COL7A1: variants seen among roughly 807,000 people sequenced by gnomAD.
COL7A1 encodes collagen alpha-1(VII) chain.
COL7A1 carries 296 observed loss-of-function variants against 456.2 expected under a neutral mutation model. That is an observed-to-expected ratio of 0.65 (90% CI 0.59 to 0.71). The LOEUF is 0.71. Ranked by LOEUF, COL7A1 falls within the 30% of genes least tolerant of loss-of-function variation. The pLI is 0.00. For synonymous variants in COL7A1, 1,464 were observed against 1,525.9 expected (o/e 0.96, Z 0.95); for missense variants, 3,441 against 4,017.2 (o/e 0.86, Z 3.88).
chr3:48,578,838 T>C lies in COL7A1; in HGVS notation c.5424+81A>G. ...CTGAACCGACCCCCCACCAACTCTC[T>C]CGGATGCTGTGACTATGATGATCTG... On this transcript the variant is annotated intron_variant, in intron 63 of 118. Coordinates refer to ENST00000681320, the MANE Select transcript of COL7A1 (RefSeq NM_000094.4). The surrounding 1 kb of genome is among the most constrained non-coding windows in gnomAD (Gnocchi z 4.7). The C allele has an allele frequency of 6.9e-7, 1 of 1,455,216 alleles. No homozygotes were observed. The allele number at this position is 1,455,216 out of a possible 1,614,324, so 90.1% of individuals were successfully genotyped here.
rs1481011823 is a variant in COL7A1, at chr3:48,576,243, G to T, written c.5820+6C>A. 2 of 1,613,612 alleles carry T rather than the reference G, an allele frequency of 1.2e-6. No homozygotes were observed. The highest frequency in any genetic ancestry group is 1.7e-6 in the Non-Finnish European group (2 of 1,180,000). ...GAGTCAAGGGGACATCCCAAGCCTG[G>T]CTCACCGGCACACTTCCAGGCTCTC... On this transcript the variant is annotated splice_donor_region_variant and intron_variant, in intron 71 of 118. Transcript: ENST00000681320.
rs2043649361 is a variant in COL7A1 at position 48,567,248 on chromosome 3, C to T, written c.8047-58G>A. On this transcript the variant is annotated intron_variant, in intron 109 of 118. Coordinates refer to ENST00000681320, the MANE Select transcript of COL7A1 (RefSeq NM_000094.4). The surrounding 1 kb of genome is among the most constrained non-coding windows in gnomAD (Gnocchi z 4.3). Reference sequence around the variant, plus strand: ...CCCTGACCTCCCTCAGCTCTGGAACCTCCCTGAACTCCCATGAGCTCCCTG... The same window carrying T: ...CCCTGACCTCCCTCAGCTCTGGAACTTCCCTGAACTCCCATGAGCTCCCTG... The T allele has an allele frequency of 1.3e-6, 2 of 1,594,656 alleles. No homozygotes were observed. The highest frequency in any genetic ancestry group is 1.3e-5 in the African/African-American group (1 of 74,518).
chr3:48,575,673 G>A lies in COL7A1; in HGVS notation c.5932C>T (p.Arg1978Ter), dbSNP rs1368134215. 2.5e-6 allele frequency: 4 copies of A among 1,613,586 alleles called. No homozygotes were observed. Among genetic ancestry groups the A allele is most frequent in the Non-Finnish European group, 3.4e-6 (4 of 1,180,018 alleles). ...GSFLPVPERR[R>*]GPKGDSGEQG... Reference sequence around the variant, plus strand: ...TCGCCTGAGTCCCCCTTGGGGCCTCGACGCCGTTCGGGCACAGGCAGGAAG... The same window carrying A: ...TCGCCTGAGTCCCCCTTGGGGCCTCAACGCCGTTCGGGCACAGGCAGGAAG... The change falls in exon 73 of 119, where the codon CGA becomes TGA. Residue 1978 changes from arginine (R) to a stop codon, truncating the protein, a stop_gained. Coordinates refer to ENST00000681320, the MANE Select transcript of COL7A1 (RefSeq NM_000094.4). LOFTEE classifies it high-confidence loss of function. This position sits in a 1 kb window ranked among gnomAD's most constrained non-coding sequence, Gnocchi z 6.3.
At position 48,584,311 on chromosome 3, in the gene COL7A1, C is replaced by A; in HGVS notation, c.4184G>T (p.Gly1395Val). The A allele has an allele frequency of 1.2e-6, 2 of 1,610,492 alleles. No homozygotes were observed. The highest frequency in any genetic ancestry group is 8.5e-7 in the Non-Finnish European group (1 of 1,178,394). The change falls in exon 37 of 119, where the codon GGA (glycine) becomes GTA (valine). Residue 1395 changes from glycine to valine, a missense_variant. Physicochemically the swap from Gly to Val is moderately radical, Grantham distance 109 (BLOSUM62 -3). This residue lies in a region of COL7A1 where 2,084 missense variants were observed against 2,501.3 expected (regional missense o/e 0.83). Transcript: ENST00000681320. The part of the protein sequence containing the change: ...PGPRGPPGLP[G>V]TAMKGDKGDR... ...TGAGGCTGTCACCTTCATGGCTGTT[C>A]CAGGAAGCCCTGGGGGGCCACGGGG...
rs764022247 is a variant in COL7A1, at chr3:48,595,176, C to T, written c.-1-16G>A. 1 of 1,548,544 alleles carries T rather than the reference C, an allele frequency of 6.5e-7. No individual in the cohort carries two copies. The highest frequency in any genetic ancestry group is 2.0e-5 in the Admixed American group (1 of 51,096). On this transcript the variant is annotated splice_polypyrimidine_tract_variant and intron_variant, in intron 1 of 118. Transcript: ENST00000681320. Reference sequence around the variant, plus strand: ...CAGCGTCATCCTAGGCAGTAAAAGCCGTCAGCTAGGACCCCCGCCTCTGTC... The same window carrying T: ...CAGCGTCATCCTAGGCAGTAAAAGCTGTCAGCTAGGACCCCCGCCTCTGTC...
chr3:48,579,198 T>C lies in COL7A1; in HGVS notation c.5387A>G (p.Asn1796Ser), dbSNP rs973076467. ...KPGAAGPSGP[N>S]GAAGKAGDPG... is the part of the protein sequence containing the mutation. ...CCAGGCAGGACTACCAAGACTCACATTCGGCCCAGAGGGCCCAGCGGCTCC... is the reference window on the plus strand; with the variant it reads ...CCAGGCAGGACTACCAAGACTCACACTCGGCCCAGAGGGCCCAGCGGCTCC... Residue 1796 changes from asparagine to serine, a missense_variant and splice_region_variant, in exon 62 of 119, where the codon AAT becomes AGT. Asn to Ser is a conservative substitution (Grantham distance 46). This residue lies in a region of COL7A1 where 2,084 missense variants were observed against 2,501.3 expected (regional missense o/e 0.83). Coordinates refer to ENST00000681320, the MANE Select transcript of COL7A1 (RefSeq NM_000094.4). The surrounding 1 kb of genome is among the most constrained non-coding windows in gnomAD (Gnocchi z 4.4). 10 of 1,613,304 alleles carry C rather than the reference T, an allele frequency of 6.2e-6. No homozygotes were observed. Among genetic ancestry groups the C allele is most frequent in the Admixed American group, 5.0e-5 (3 of 60,028 alleles).
Position 48,575,248 on chromosome 3 carries a change from A to C in COL7A1, c.6181-6T>G. The C allele has an allele frequency of 6.2e-7, 1 of 1,613,934 alleles. No homozygotes were observed. The highest frequency in any genetic ancestry group is 8.5e-7 in the Non-Finnish European group (1 of 1,179,970). ...CCTTTCTCTCCCCGTTCTCCCTGAA[A>C]TGCAAATAGCGGGTGAGGGCCAAGC... On this transcript the variant is annotated splice_polypyrimidine_tract_variant and splice_region_variant and intron_variant, in intron 74 of 118. Transcript: ENST00000681320. The surrounding 1 kb of genome is among the most constrained non-coding windows in gnomAD (Gnocchi z 6.3).
In COL7A1 at chr3:48,575,646, G is replaced by T; in HGVS notation, c.5959C>A (p.Gln1987Lys). ...RRGPKGDSGE[Q>K]GPPGKEGPIG... ...CTCACCTCCTTGCCTGGGGGGCCCT[G>T]TTCGCCTGAGTCCCCCTTGGGGCCT... is the stretch of plus-strand genomic sequence containing the variant. The change falls in exon 73 of 119, where the codon CAG (glutamine) becomes AAG (lysine). Residue 1987 changes from glutamine to lysine, a missense_variant. Physicochemically the swap from Gln to Lys is moderately conservative, Grantham distance 53. Around this residue, in one of 3 missense-constraint regions of COL7A1, gnomAD observed 2,084 missense variants for 2,501.3 expected, o/e 0.83. Coordinates refer to ENST00000681320, the MANE Select transcript of COL7A1 (RefSeq NM_000094.4). This position sits in a 1 kb window ranked among gnomAD's most constrained non-coding sequence, Gnocchi z 6.3. 1 of 1,613,452 alleles carries T rather than the reference G, an allele frequency of 6.2e-7. No individual in the cohort carries two copies. The highest frequency in any genetic ancestry group is 8.5e-7 in the Non-Finnish European group (1 of 1,180,018).
Position 48,571,689 on chromosome 3 carries a change from C to A in COL7A1, c.7068+312G>T. 3.1e-6 allele frequency: 2 copies of A among 646,758 alleles called. No individual in the cohort carries two copies. Among genetic ancestry groups the A allele is most frequent in the South Asian group, 1.6e-5 (1 of 61,648 alleles). The allele number at this position is 646,758 out of a possible 1,614,324, so 40.1% of individuals were successfully genotyped here. On this transcript the variant is annotated intron_variant, in intron 92 of 118. Coordinates refer to ENST00000681320, the MANE Select transcript of COL7A1 (RefSeq NM_000094.4). The surrounding 1 kb of genome is among the most constrained non-coding windows in gnomAD (Gnocchi z 4.6). ...GGAAAGGAGGATTGTAAACACAGGA[C>A]CAAGGAGAGGTTCACAAGAACTCAG...
Position 48,564,831 on chromosome 3 carries a change from C to T in COL7A1, c.8770G>A (p.Ala2924Thr). Residue 2924 changes from alanine (A) to threonine (T), a missense_variant, in exon 118 of 119, where the codon GCC (alanine) becomes ACC (threonine). Ala to Thr is a moderately conservative substitution (Grantham distance 58). This residue lies in a region of COL7A1 where 2,084 missense variants were observed against 2,501.3 expected (regional missense o/e 0.83). Transcript: ENST00000681320. This position sits in a 1 kb window ranked among gnomAD's most constrained non-coding sequence, Gnocchi z 6.0. Reference protein sequence around the residue: ...GNANRFGTREACERRCPPRVV... With the variant: ...GNANRFGTRETCERRCPPRVV... ...CGGGGTGGGCAGCGGCGCTCGCAGG[C>T]CTCACGGGTCCCAAAACGGTTGGCA... 5.0e-6 allele frequency: 8 copies of T among 1,614,070 alleles called. No individual in the cohort carries two copies. The highest frequency in any genetic ancestry group is 2.2e-5 in the South Asian group (2 of 91,086).
rs141063524 is a variant in COL7A1, at chr3:48,573,467, A to G, written c.6618+46T>C. 19 of 1,613,772 alleles carry G rather than the reference A, an allele frequency of 1.2e-5. No homozygotes were observed. The highest frequency in any genetic ancestry group is 1.5e-5 in the Non-Finnish European group (18 of 1,179,886). ...GGCGCACACTACCCCAGGCATGGAC[A>G]CAGCTTGAAGGAGCCTCCTCCTCCT... On this transcript the variant is annotated intron_variant, in intron 83 of 118. Transcript: ENST00000681320. The surrounding 1 kb of genome is among the most constrained non-coding windows in gnomAD (Gnocchi z 5.5).
rs1389015173 is a variant in COL7A1, at chr3:48,594,547, C to A, written c.87G>T (p.Val29=). ...CAGCGGCGTAAAGGCGCGTGCAGGT[C>A]ACTGGGGCGGGCAGGAGAGATCAGG... ...PRVRAQHRER[V]TCTRLYAADI... Residue 29 remains valine (V), a splice_region_variant and synonymous_variant, in exon 3 of 119, where the codon GTG becomes GTT. Coordinates refer to ENST00000681320, the MANE Select transcript of COL7A1 (RefSeq NM_000094.4). The surrounding 1 kb of genome is among the most constrained non-coding windows in gnomAD (Gnocchi z 5.5). The A allele has an allele frequency of 6.3e-7, 1 of 1,589,358 alleles. No homozygotes were observed. Among genetic ancestry groups the A allele is most frequent in the Non-Finnish European group, 8.5e-7 (1 of 1,170,050 alleles).
chr3:48,590,803 G>C lies in COL7A1; in HGVS notation c.1650C>G (p.Thr550=), dbSNP rs1211819315. The C allele has an allele frequency of 5.6e-6, 9 of 1,613,592 alleles. No individual in the cohort carries two copies. The highest frequency in any genetic ancestry group is 2.2e-5 in the East Asian group (1 of 44,884). The change falls in exon 14 of 119, where the codon ACC becomes ACG. Residue 550 remains threonine, a synonymous_variant. Coordinates refer to ENST00000681320, the MANE Select transcript of COL7A1 (RefSeq NM_000094.4). This position sits in a 1 kb window ranked among gnomAD's most constrained non-coding sequence, Gnocchi z 4.6. The stretch of plus-strand genomic sequence containing the variant: ...CTGTCTGACTCCCAGGAAGCACCAG[G>C]GTCCGCTCAACCCCTAAGAGAGAAG... ...IVRSTQGVER[T]LVLPGSQTAF... is the part of the protein sequence containing the mutation.
rs775852765 is a variant in COL7A1, at chr3:48,594,483, G to A, written c.151C>T (p.Arg51Cys). The change falls in exon 3 of 119, where the codon CGC becomes TGC. Residue 51 changes from arginine to cysteine, a missense_variant. Transcript: ENST00000681320. This position sits in a 1 kb window ranked among gnomAD's most constrained non-coding sequence, Gnocchi z 5.5. ...CTGCGGACCTCGCGGAAATTGCTGC[G>A]GCCAATGGATGAGGAGCCATCCAGT... The part of the protein sequence containing the change: ...FLLDGSSSIG[R>C]SNFREVRSFL... 6.2e-7 allele frequency: 1 copy of A among 1,612,356 alleles called. No homozygotes were observed. The highest frequency in any genetic ancestry group is 8.5e-7 in the Non-Finnish European group (1 of 1,180,020).
Position 48,583,167 on chromosome 3 carries a change from T to A in COL7A1, c.4442A>T (p.Asp1481Val). ...ACCCAGGGGCCCTGGAAAGCCCCGG[T>A]CACCCTGAAGAGAGAGGGTGAGAGA... ...GPPGAIGPKGDRGFPGPLGEA... is the reference protein window; with the variant it reads ...GPPGAIGPKGVRGFPGPLGEA... Residue 1481 changes from aspartate (D) to valine (V), a missense_variant, in exon 43 of 119, where the codon GAC (aspartate) becomes GTC (valine). Around this residue, in one of 3 missense-constraint regions of COL7A1, gnomAD observed 2,084 missense variants for 2,501.3 expected, o/e 0.83. Coordinates refer to ENST00000681320, the MANE Select transcript of COL7A1 (RefSeq NM_000094.4). This position sits in a 1 kb window ranked among gnomAD's most constrained non-coding sequence, Gnocchi z 5.1. 1 of 1,613,790 alleles carries A rather than the reference T, an allele frequency of 6.2e-7. No individual in the cohort carries two copies. The highest frequency in any genetic ancestry group is 8.5e-7 in the Non-Finnish European group (1 of 1,179,962).
In COL7A1 at chr3:48,572,132, C is replaced by A; in HGVS notation, c.7018G>T (p.Glu2340Ter). 6.2e-7 allele frequency: 1 copy of A among 1,614,044 alleles called. No individual in the cohort carries two copies. Residue 2340 changes from glutamate to a stop codon, truncating the protein, a stop_gained, in exon 91 of 119, where the codon GAG becomes TAG. Transcript: ENST00000681320. LOFTEE classifies it high-confidence loss of function. This position sits in a 1 kb window ranked among gnomAD's most constrained non-coding sequence, Gnocchi z 4.6. The stretch of plus-strand genomic sequence containing the variant: ...CCAGGGCCAACCCACCTCACCTTCT[C>A]GCCTCGCGGCCCTGGCAGTCCTCGG... The part of the protein sequence containing the change: ...GDRGLPGPRG[E>*]KGEAGRAGEP...
In COL7A1 at chr3:48,573,361, C is replaced by T; in HGVS notation, c.6619-13G>A. ...CTCCAGGCTCCCCCTGCAAACAACCCAGAGACTGCATGAGCAGAGCCCACG... is the reference window on the plus strand; with the variant it reads ...CTCCAGGCTCCCCCTGCAAACAACCTAGAGACTGCATGAGCAGAGCCCACG... On this transcript the variant is annotated splice_polypyrimidine_tract_variant and intron_variant, in intron 83 of 118. Transcript: ENST00000681320. This position sits in a 1 kb window ranked among gnomAD's most constrained non-coding sequence, Gnocchi z 5.5. 6.2e-7 allele frequency: 1 copy of T among 1,614,052 alleles called. No homozygotes were observed. Among genetic ancestry groups the T allele is most frequent in the East Asian group, 2.2e-5 (1 of 44,872 alleles).
intron 16 of COL7A1, 119 bp from the exon 17 acceptor site, chr3:48,589,837 A>G (rs143984801): frequency 7.0e-7 from 1 of 1,433,426 alleles, no homozygotes; most frequent in African/African-American, 1.4e-5. Context: ...GAGATGGTGA[A>G]TAGGTCCAGT....
At position 48,579,751 on chromosome 3, in the gene COL7A1, G is replaced by A. The variant is rs753088779; in HGVS notation, c.5154+34C>T. 2.5e-6 allele frequency: 4 copies of A among 1,613,860 alleles called. No individual in the cohort carries two copies. The East Asian group carries it at 8.9e-5, about 36-fold the overall frequency. Reference sequence around the variant, plus strand: ...AGAACCTGCTGGGAGGGGCACTGGGGTCTTTCTTACCCTCCACCCACAGAC... The same window carrying A: ...AGAACCTGCTGGGAGGGGCACTGGGATCTTTCTTACCCTCCACCCACAGAC... On this transcript the variant is annotated intron_variant, in intron 58 of 118. Coordinates refer to ENST00000681320, the MANE Select transcript of COL7A1 (RefSeq NM_000094.4). The surrounding 1 kb of genome is among the most constrained non-coding windows in gnomAD (Gnocchi z 4.4).
Sources: allele counts gnomAD v4.1 joint callset, GRCh38; gene constraint gnomAD v4.1.1; regional missense constraint gnomAD v4.1.1; non-coding constraint Gnocchi (gnomAD v3.1); transcripts MANE v1.5; gene names NCBI Gene and HGNC (gene_info 2026-07-23, HGNC 2026-07-21).